Variants in MEOX1 observed in about 807,000 individuals in gnomAD.
The protein encoded by MEOX1 is mesenchyme homeobox 1.
In MEOX1, 17 loss-of-function variants were observed where a neutral mutation model predicts 23.2. The ratio of observed to expected loss-of-function variants is 0.73; its 90% CI spans 0.50 to 1.10. The LOEUF is 1.10. Among genes scored for constraint, MEOX1 ranks in the 50% least tolerant of loss-of-function variants. MEOX1 has a pLI of 0.00. For missense variants in MEOX1, 333 were observed against 332.2 expected, an observed-to-expected ratio of 1.00 and a Z score of -0.02; for synonymous variants, 134 against 135.1, an observed-to-expected ratio of 0.99 and a Z score of 0.06.
chr17:43,649,061 G>C (rs367790135), intron 1 of MEOX1, among the ~76,000 whole-genome samples: 212 of 152,276 alleles, frequency 1.4e-3, no homozygotes, highest in African/African-American at 5.0e-3. Flanking sequence ...AGCTACACCC[G>C]CTGTGCTTAT....
At chr17:43,653,851 G>A (rs77503007) in intron 1 of MEOX1, among the ~76,000 whole-genome samples, 1,645 of 152,234 alleles carry the variant, frequency 0.011, 32 homozygotes, top group African/African-American at 0.037. Context: ...GTGTAAGATA[G>A]GAAATCAGGG....
chr17:43,643,711 T>G lies in MEOX1; in HGVS notation c.470-51A>C, dbSNP rs372726983. 9 of 1,489,974 alleles carry G rather than the reference T, an allele frequency of 6.0e-6. No individual in the cohort carries two copies. In the African/African-American group the frequency reaches 9.7e-5, roughly 16 times the overall value. The allele number at this position is 1,489,974 out of a possible 1,614,324, so 92.3% of individuals were successfully genotyped here. ...AAGACATGGGCTGAGGGAGACTCCATTCCCTTTCTTTTGCCCTTGAGCAAC... is the reference window on the plus strand; with the variant it reads ...AAGACATGGGCTGAGGGAGACTCCAGTCCCTTTCTTTTGCCCTTGAGCAAC... On this transcript the variant is annotated intron_variant, in intron 1 of 2. Transcript: ENST00000318579.
At chr17:43,648,600 A>G (rs1422897435) in intron 1 of MEOX1, among the ~76,000 whole-genome samples, 1 of 152,068 alleles carries the variant, frequency 6.6e-6, no homozygotes, top group African/African-American at 2.4e-5. Context: ...GTGTAGAAGT[A>G]TGGGATTGGA....
chr17:43,646,802 ACC>A (rs1972823649), intron 1 of MEOX1, among the ~76,000 whole-genome samples: 1 of 152,050 alleles, frequency 6.6e-6, no homozygotes, highest in Non-Finnish European at 1.5e-5. Flanking sequence ...ATGGAGAAAC[ACC>A]GTCTCTACTA....
chr17:43,656,878 G>T (rs1973029261), intron 1 of MEOX1, among the ~76,000 whole-genome samples: 1 of 152,168 alleles, frequency 6.6e-6, no homozygotes, highest in South Asian at 2.1e-4. Flanking sequence ...CCATTGGCCT[G>T]GGGCTGGGAG....
At position 43,645,175 on chromosome 17, in the gene MEOX1, T is replaced by A. The variant is rs1361283857; in HGVS notation, c.470-1515A>T. Among the ~76,000 whole-genome samples, 390 of 102,076 alleles carry A rather than the reference T, an allele frequency of 3.8e-3. 2 individuals carry two copies. The highest frequency in any genetic ancestry group is 0.012 in the African/African-American group (380 of 31,034). The allele number at this position is 102,076 out of a possible 152,430, so 67.0% of individuals were successfully genotyped here. ...GACGTTTGCTTCATTAATTATCTTT[T>A]TTTTTTTTTTTTTTTTTTTGAGATG... is the stretch of plus-strand genomic sequence containing the variant. On this transcript the variant is annotated intron_variant, in intron 1 of 2. Transcript: ENST00000318579.
At chr17:43,654,054 A>G (rs1215072791) in intron 1 of MEOX1, among the ~76,000 whole-genome samples, 1 of 152,212 alleles carries the variant, frequency 6.6e-6, no homozygotes, top group Non-Finnish European at 1.5e-5. Flanking sequence ...AGTCCTGTAC[A>G]GTCCCTATAA....
intron 1 of MEOX1, among the ~76,000 whole-genome samples, chr17:43,654,068 C>A (rs900580488): frequency 6.6e-6 from 1 of 152,184 alleles, no homozygotes; most frequent in African/African-American, 2.4e-5. Context: ...CCTATAAGGG[C>A]AGAATTGTGC....
chr17:43,643,666 G>A lies in MEOX1; in HGVS notation c.470-6C>T, dbSNP rs1972747128. ...CCCTCTGTTCTCCTGGTTGTCTGGG[G>A]AGAGAGGACCCCAAACAGGAAGACA... On this transcript the variant is annotated splice_region_variant and splice_polypyrimidine_tract_variant and intron_variant, in intron 1 of 2. Coordinates refer to ENST00000318579, the MANE Select transcript of MEOX1 (RefSeq NM_004527.4). 1 of 1,611,270 alleles carries A rather than the reference G, an allele frequency of 6.2e-7. No homozygotes were observed. The highest frequency in any genetic ancestry group is 8.5e-7 in the Non-Finnish European group (1 of 1,178,992).
At chr17:43,647,490 G>C (rs1216828644) in intron 1 of MEOX1, among the ~76,000 whole-genome samples, 1 of 152,186 alleles carries the variant, frequency 6.6e-6, no homozygotes, top group Non-Finnish European at 1.5e-5. Context: ...TTAGAGCCAA[G>C]GCTCTCCATA....
chr17:43,648,069 A>G (rs1338840263), intron 1 of MEOX1, among the ~76,000 whole-genome samples: 1 of 152,218 alleles, frequency 6.6e-6, no homozygotes, highest in Non-Finnish European at 1.5e-5. Flanking sequence ...AAATTGCAAT[A>G]TATTCAGCAA....
In MEOX1 at chr17:43,661,685, AAC is replaced by A; in HGVS notation, c.-153_-152del. The A allele has an allele frequency of 1.8e-6, 1 of 547,554 alleles. No individual in the cohort carries two copies. The highest frequency in any genetic ancestry group is 3.1e-6 in the Non-Finnish European group (1 of 323,266). The allele number at this position is 547,554 out of a possible 1,614,324, so 33.9% of individuals were successfully genotyped here. ...ACCCCAGGAACCAAAAAAAAAAAAA[AAC>A]CCAAAACTAAAGTCTCTCCTTAAAG... On this transcript the variant is annotated 5_prime_UTR_variant, in exon 1 of 3. Coordinates refer to ENST00000318579, the MANE Select transcript of MEOX1 (RefSeq NM_004527.4).
In MEOX1 at chr17:43,641,834, G is replaced by C. The variant is rs185067767; in HGVS notation, c.*76C>G. The C allele has an allele frequency of 1.4e-6, 2 of 1,466,066 alleles. No individual in the cohort carries two copies. The highest frequency in any genetic ancestry group is 2.6e-5 in the South Asian group (2 of 77,494). 90.8% of individuals were successfully genotyped at this position (1,466,066 alleles called of 1,614,324 possible). A position where few individuals can be genotyped will look rare whatever the true frequency, so the allele number is the denominator to read the frequency against. ...GGCTGCCCTGGCTGGGGAAGGAAGA[G>C]GGTGAAGGTGGGATTGGGGTGGGGG... On this transcript the variant is annotated 3_prime_UTR_variant, in exon 3 of 3. Transcript: ENST00000318579.
At chr17:43,652,116 A>G (rs115712093) in intron 1 of MEOX1, among the ~76,000 whole-genome samples, 1,780 of 152,258 alleles carry the variant, frequency 0.012, 34 homozygotes, top group African/African-American at 0.04. Flanking sequence ...GGGGATGCCC[A>G]GAGGGATACT....
At chr17:43,657,343 T>C (rs1249525910) in intron 1 of MEOX1, among the ~76,000 whole-genome samples, 1 of 101,478 alleles carries the variant, frequency 9.9e-6, no homozygotes. Flanking sequence ...CTGGCTAATT[T>C]TTTTTTTTTT....
chr17:43,656,996 TTTTCTTTCTTTCTTTCTCTTTC>T (rs1203710379), intron 1 of MEOX1, among the ~76,000 whole-genome samples: 85 of 128,388 alleles, frequency 6.6e-4, no homozygotes, highest in Non-Finnish European at 9.3e-4. Context: ...CTTTCTTTCT[TTTTCTTTCTTTCTTTCTCTTTC>T]TTTCTTTCTT....
intron 1 of MEOX1, among the ~76,000 whole-genome samples, chr17:43,651,176 G>A (rs923760508): frequency 2.6e-5 from 4 of 152,078 alleles, no homozygotes; most frequent in Non-Finnish European, 5.9e-5. Context: ...AAAATTAGCC[G>A]GGTGTGGTGG....
At chr17:43,656,534 G>T (rs758042558) in intron 1 of MEOX1, among the ~76,000 whole-genome samples, 27 of 152,164 alleles carry the variant, frequency 1.8e-4, no homozygotes, top group Admixed American at 3.9e-4. Context: ...GTCTTGCAAA[G>T]AGAAATTGGG....
At chr17:43,657,197 C>T (rs1374543406) in intron 1 of MEOX1, among the ~76,000 whole-genome samples, 1 of 111,820 alleles carries the variant, frequency 8.9e-6, no homozygotes. Flanking sequence ...TTGATGTAGT[C>T]CCGCTCTGTC....
Sources: allele counts gnomAD v4.1 joint callset (sites outside exome capture counted in the v4.1 genomes callset), GRCh38; gene constraint gnomAD v4.1.1; transcripts MANE v1.5; gene names NCBI Gene and HGNC (gene_info 2026-07-23, HGNC 2026-07-21).